The following NALF1 variants were observed in gnomAD, a reference collection of about 807,000 sequenced individuals.
The protein encoded by NALF1 is NALCN channel auxiliary factor 1, also known as family with sequence similarity 155 member A.
Under a neutral mutation model 48.4 loss-of-function variants are expected in NALF1, and 3 were observed. The ratio of observed to expected loss-of-function variants is 0.06; its 90% confidence interval spans 0.03 to 0.16. NALF1 has a LOEUF of 0.16. Among genes scored for constraint, NALF1 ranks in the 10% least tolerant of loss-of-function variants. NALF1 has a pLI of 1.00. For missense variants in NALF1, 526 were observed against 571.5 expected (o/e 0.92, Z 0.81); for synonymous variants, 262 against 245.7 (o/e 1.07, Z -0.62).
chr13:107,794,133 T>A (rs1878335609), intron 1 of NALF1, among the ~76,000 whole-genome samples: 1 of 152,220 alleles, frequency 6.6e-6, no homozygotes, highest in Non-Finnish European at 1.5e-5. Context: ...ATATGTAACC[T>A]ACAGCCAATT....
chr13:107,215,988 T>C (rs554294175), intron 1 of NALF1, among the ~76,000 whole-genome samples: 48 of 152,376 alleles, frequency 3.2e-4, no homozygotes, highest in African/African-American at 1.1e-3. Context: ...GTTGGCTATA[T>C]ATTTTATCAC....
At chr13:107,502,925 G>C (rs1017829839) in intron 1 of NALF1, among the ~76,000 whole-genome samples, 2 of 152,144 alleles carry the variant, frequency 1.3e-5, no homozygotes, top group African/African-American at 2.4e-5. Flanking sequence ...TTCCACAGAA[G>C]GCAGCCCCAC....
chr13:107,237,981 T>C (rs1329837279), intron 1 of NALF1, among the ~76,000 whole-genome samples: 2 of 152,210 alleles, frequency 1.3e-5, no homozygotes, highest in East Asian at 3.8e-4. Flanking sequence ...AGTGTATGTG[T>C]ATACCTGTGT....
chr13:107,605,405 C>T (rs573529770), intron 1 of NALF1, among the ~76,000 whole-genome samples: 4 of 152,124 alleles, frequency 2.6e-5, no homozygotes, highest in Non-Finnish European at 2.9e-5. Flanking sequence ...TCCTTCCTTC[C>T]GGTTAACTAA....
At chr13:107,286,700 T>G (rs1285752853) in intron 1 of NALF1, among the ~76,000 whole-genome samples, 1 of 151,984 alleles carries the variant, frequency 6.6e-6, no homozygotes, top group African/African-American at 2.4e-5. Context: ...GGGATACTAC[T>G]CAGCCTGGAA....
At chr13:107,218,955 GA>G (rs1879934735) in intron 1 of NALF1, among the ~76,000 whole-genome samples, 1 of 152,214 alleles carries the variant, frequency 6.6e-6, no homozygotes, top group Admixed American at 6.5e-5. Context: ...TATATATCCA[GA>G]AATGAATATT....
At chr13:107,379,214 G>A (rs1338930723) in intron 1 of NALF1, among the ~76,000 whole-genome samples, 1 of 152,132 alleles carries the variant, frequency 6.6e-6, no homozygotes, top group African/African-American at 2.4e-5. Context: ...TTTATGTTCT[G>A]TTGAGTGATA....
intron 1 of NALF1, among the ~76,000 whole-genome samples, chr13:107,269,426 G>A (rs1881109826): frequency 6.6e-6 from 1 of 152,150 alleles, no homozygotes; most frequent in African/African-American, 2.4e-5. Context: ...CTGAAAAAAA[G>A]TCAGGGGTCC....
intron 1 of NALF1, among the ~76,000 whole-genome samples, chr13:107,248,854 T>C (rs560287101): frequency 6.7e-6 from 1 of 148,248 alleles, no homozygotes; most frequent in East Asian, 1.9e-4. Flanking sequence ...ATAGGCAATT[T>C]CTAAGTGAAT....
intron 2 of NALF1, among the ~76,000 whole-genome samples, chr13:107,181,193 G>A (rs1023055121): frequency 4.0e-5 from 6 of 151,568 alleles, no homozygotes; most frequent in Admixed American, 3.3e-4. Flanking sequence ...CTGTTTGTTA[G>A]TGAATTGGTA....
chr13:107,866,351 C>T lies in NALF1; in HGVS notation c.246G>A (p.Gln82=). 4 of 1,610,676 alleles carry T rather than the reference C, an allele frequency of 2.5e-6. No individual in the cohort carries two copies. Among genetic ancestry groups the T allele is most frequent in the Non-Finnish European group, 3.4e-6 (4 of 1,179,190 alleles). Residue 82 remains glutamine, a synonymous_variant, in exon 1 of 3, where the codon CAG becomes CAA. Transcript: ENST00000375915. The surrounding 1 kb of genome is among the most constrained non-coding windows in gnomAD (Gnocchi z 4.4). ...GCTGCCGCTGCCTCTGCTGCTGCTG[C>T]TGCTGCTGCTGCTGCCGCTGCTGCT... ...HQQQQRQQQQ[Q]QQQQRQRQQQ... is the part of the protein sequence containing the mutation.
Position 107,765,974 on chromosome 13 carries a change from A to T in NALF1, c.915+99708T>A, listed in dbSNP as rs578191716. Among the ~76,000 whole-genome samples the T allele has an allele frequency of 9.2e-5, 14 of 151,762 alleles. No individual in the cohort carries two copies. The East Asian group carries it at 2.1e-3, about 23-fold the overall frequency. On this transcript the variant is annotated intron_variant, in intron 1 of 2. Transcript: ENST00000375915. ...ATCTAGGTCACATTGCTCTCTTTTT[A>T]AAAAAATAGCTATGTTTTAGCTGTT... is the stretch of plus-strand genomic sequence containing the variant.
intron 1 of NALF1, among the ~76,000 whole-genome samples, chr13:107,858,067 T>C (rs926184713): frequency 2.6e-5 from 4 of 152,206 alleles, no homozygotes; most frequent in African/African-American, 9.6e-5. Context: ...ATCAGAAACC[T>C]TCGTGTTCTT....
chr13:107,620,942 C>A (rs1034852935), intron 1 of NALF1, among the ~76,000 whole-genome samples: 2 of 152,066 alleles, frequency 1.3e-5, no homozygotes, highest in African/African-American at 4.8e-5. Context: ...AAATGTTAAA[C>A]CTTGGTACTA....
intron 1 of NALF1, among the ~76,000 whole-genome samples, chr13:107,357,832 ATGAATCATTTCT>A (rs1382736640): frequency 6.6e-6 from 1 of 152,190 alleles, no homozygotes; most frequent in African/African-American, 2.4e-5. Context: ...CGTTAGTTTA[ATGAATCATTTCT>A]TGAGGGGTTT....
chr13:107,357,323 A>G (rs1353483874), intron 1 of NALF1, among the ~76,000 whole-genome samples: 1 of 152,110 alleles, frequency 6.6e-6, no homozygotes, highest in Non-Finnish European at 1.5e-5. Flanking sequence ...AGATTTAGGG[A>G]GAACTCACTC....
At chr13:107,809,648 C>T (rs181578149) in intron 1 of NALF1, among the ~76,000 whole-genome samples, 1 of 152,092 alleles carries the variant, frequency 6.6e-6, no homozygotes, top group Non-Finnish European at 1.5e-5. Flanking sequence ...ATGAAATGTG[C>T]CCTCAATTTT....
chr13:107,269,077 G>A (rs754298122), intron 1 of NALF1, among the ~76,000 whole-genome samples: 17 of 151,654 alleles, frequency 1.1e-4, no homozygotes, highest in Non-Finnish European at 2.1e-4. Flanking sequence ...GTGGGAGGAT[G>A]GTTTGAACCC....
chr13:107,303,508 T>C (rs895939798), intron 1 of NALF1, among the ~76,000 whole-genome samples: 4 of 152,228 alleles, frequency 2.6e-5, no homozygotes, highest in African/African-American at 9.6e-5. Flanking sequence ...AGATGTTTGT[T>C]ATTATAGCTG....
Sources: gnomAD v4.1 joint callset for allele counts (sites outside exome capture counted in the v4.1 genomes callset) on GRCh38, gnomAD v4.1.1 for gene constraint, Gnocchi (gnomAD v3.1) non-coding constraint, MANE v1.5 for transcripts, NCBI Gene and HGNC (gene_info 2026-07-23, HGNC 2026-07-21) for gene names.